The following THRB variants were observed in gnomAD, a reference collection of about 807,000 sequenced individuals.
THRB encodes nuclear receptor subfamily 1 group A member 2.
THRB carries 12 observed loss-of-function variants against 47.8 expected under a neutral mutation model. That is an observed-to-expected ratio of 0.25 (90% CI 0.16 to 0.41). The LOEUF (loss-of-function observed/expected upper bound fraction) is 0.41. Ranked by LOEUF, THRB falls within the 10% of genes least tolerant of loss-of-function variation. THRB has a pLI of 1.00. For synonymous variants in THRB, 218 were observed against 212.2 expected (o/e 1.03, Z -0.24); for missense variants, 348 against 589.2 (o/e 0.59, Z 4.24).
intron 1 of THRB, among the ~76,000 whole-genome samples, chr3:24,365,949 G>C (rs781707555): frequency 5.3e-5 from 8 of 152,146 alleles, no homozygotes; most frequent in Non-Finnish European, 1.2e-4. Context: ...GAAAACTTAA[G>C]AGGAGGAAAT....
intron 1 of THRB, 148 bp downstream of exon 1, chr3:24,494,501 CTGA>C (rs1455978617): frequency 6.6e-6 from 1 of 152,052 alleles, no homozygotes; most frequent in East Asian, 1.9e-4. Context: ...GGTAATCAGG[CTGA>C]TGACACCCCC....
At chr3:24,472,835 A>C (rs1392187257) in intron 1 of THRB, among the ~76,000 whole-genome samples, 3 of 152,214 alleles carry the variant, frequency 2.0e-5, no homozygotes, top group Non-Finnish European at 4.4e-5. Context: ...TGAAATAAGA[A>C]ACACAGGCTC....
At chr3:24,317,209 A>G (rs2149259631) in intron 2 of THRB, among the ~76,000 whole-genome samples, 1 of 152,314 alleles carries the variant, frequency 6.6e-6, no homozygotes, top group South Asian at 2.1e-4. Flanking sequence ...TGACTTGAGC[A>G]GGTTATTTAA....
intron 5 of THRB, among the ~76,000 whole-genome samples, chr3:24,164,854 G>A (rs998097423): frequency 1.2e-4 from 18 of 152,156 alleles, no homozygotes; most frequent in African/African-American, 4.3e-4. Flanking sequence ...TGGAAATCTT[G>A]ATGTTCACAG....
At chr3:24,461,612 C>A (rs912579520) in intron 1 of THRB, among the ~76,000 whole-genome samples, 2 of 152,112 alleles carry the variant, frequency 1.3e-5, no homozygotes, top group Non-Finnish European at 2.9e-5. Flanking sequence ...CAGATTTGTT[C>A]TTTAAAAGTG....
At chr3:24,219,006 C>T (rs1236355732) in intron 4 of THRB, among the ~76,000 whole-genome samples, 4 of 152,192 alleles carry the variant, frequency 2.6e-5, no homozygotes, top group Non-Finnish European at 5.9e-5. Context: ...GTGGCTCATG[C>T]CTGTAATTCC....
chr3:24,285,133 A>G (rs826242), intron 3 of THRB, among the ~76,000 whole-genome samples: 136,904 of 148,320 alleles, frequency 0.92, 63,556 homozygotes, highest in East Asian at 1. Flanking sequence ...ACATGCACAC[A>G]TATGTTTATT....
At chr3:24,310,573 A>G (rs2057686761) in intron 2 of THRB, among the ~76,000 whole-genome samples, 1 of 152,112 alleles carries the variant, frequency 6.6e-6, no homozygotes. Flanking sequence ...GGGTCATAGA[A>G]TTTGCAGTTC....
chr3:24,228,991 A>G lies in THRB; in HGVS notation c.-32T>C. 1 of 1,585,104 alleles carries G rather than the reference A, an allele frequency of 6.3e-7. No individual in the cohort carries two copies. Among genetic ancestry groups the G allele is most frequent in the Non-Finnish European group, 8.6e-7 (1 of 1,158,568 alleles). ...GTAATCATTCTGGATCCCTTTTTTC[A>G]CTGACATCTCCTACAAGGAAAAAAT... is the stretch of plus-strand genomic sequence containing the variant. On this transcript the variant is annotated 5_prime_UTR_variant, in exon 4 of 11. Transcript: ENST00000646209.
chr3:24,267,604 T>C (rs73148326), intron 3 of THRB, among the ~76,000 whole-genome samples: 17,744 of 152,184 alleles, frequency 0.12, 1,087 homozygotes, highest in East Asian at 0.18. Context: ...CTGATCACCA[T>C]TGATATTTGA....
At chr3:24,307,553 T>C (rs2057443496) in intron 2 of THRB, among the ~76,000 whole-genome samples, 1 of 152,142 alleles carries the variant, frequency 6.6e-6, no homozygotes, top group Non-Finnish European at 1.5e-5. Context: ...TTTAACATTC[T>C]CCTATTGAAA....
intron 1 of THRB, among the ~76,000 whole-genome samples, chr3:24,440,318 T>C (rs2071404789): frequency 2.0e-5 from 3 of 152,134 alleles, no homozygotes; most frequent in Admixed American, 1.3e-4. Context: ...ATCTATACCC[T>C]CATCAAAATC....
At position 24,142,949 on chromosome 3, in the gene THRB, T is replaced by A. The variant is rs72619919; in HGVS notation, c.738+552A>T. Among the ~76,000 whole-genome samples the A allele has an allele frequency of 3.8e-3, 578 of 152,334 alleles. 10 individuals carry two copies. In the East Asian group the frequency reaches 0.052, roughly 14 times the overall value. ...ATCAATATTGCAAGGGTCTGGAAGGTCTTTTTTCTCTACACACTCGTGCCC... is the reference window on the plus strand; with the variant it reads ...ATCAATATTGCAAGGGTCTGGAAGGACTTTTTTCTCTACACACTCGTGCCC... On this transcript the variant is annotated intron_variant, in intron 8 of 10. Transcript: ENST00000646209.
chr3:24,229,181 C>T (rs949034171), intron 3 of THRB, among the ~76,000 whole-genome samples, 180 bp from the exon 4 acceptor site: 1 of 152,142 alleles, frequency 6.6e-6, no homozygotes, highest in Admixed American at 6.5e-5. Flanking sequence ...TGTAAGACCT[C>T]TTAATTTTCA....
At chr3:24,347,908 C>G (rs1048195351) in intron 1 of THRB, among the ~76,000 whole-genome samples, 5 of 152,014 alleles carry the variant, frequency 3.3e-5, no homozygotes, top group Admixed American at 1.3e-4. Context: ...AAGGAAAAAC[C>G]ACACCAATTT....
intron 2 of THRB, among the ~76,000 whole-genome samples, chr3:24,326,660 A>G (rs1332315971): frequency 6.6e-6 from 1 of 151,398 alleles, no homozygotes; most frequent in Non-Finnish European, 1.5e-5. Context: ...AAAGGGAGCT[A>G]GTAAATAGTT....
intron 2 of THRB, among the ~76,000 whole-genome samples, chr3:24,314,361 C>T (rs1267465196): frequency 6.6e-6 from 1 of 152,198 alleles, no homozygotes; most frequent in Non-Finnish European, 1.5e-5. Flanking sequence ...GTAAATTCTT[C>T]CTTAAATCAA....
intron 5 of THRB, among the ~76,000 whole-genome samples, chr3:24,186,944 C>CAAAAA (rs71057655): frequency 3.7e-4 from 29 of 77,518 alleles, no homozygotes; most frequent in Non-Finnish European, 5.1e-4. Flanking sequence ...GACTCCATTT[C>CAAAAA]AAAAAAAAAA....
At chr3:24,489,531 T>G (rs922596487) in intron 1 of THRB, among the ~76,000 whole-genome samples, 3 of 152,116 alleles carry the variant, frequency 2.0e-5, no homozygotes, top group Non-Finnish European at 4.4e-5. Context: ...AAAGCTACAA[T>G]ATGGTTCTCA....
Sources: gnomAD v4.1 joint callset for allele counts (sites outside exome capture counted in the v4.1 genomes callset) on GRCh38, gnomAD v4.1.1 for gene constraint, MANE v1.5 for transcripts, NCBI Gene and HGNC (gene_info 2026-07-23, HGNC 2026-07-21) for gene names.